TPO: variants seen among roughly 807,000 people sequenced by gnomAD.
TPO encodes thyroid microsomal antigen.
In TPO, 78 loss-of-function variants were observed where a neutral mutation model predicts 96.9. The observed-to-expected ratio is 0.81, with a 90% confidence interval of 0.67 to 0.97. TPO has a LOEUF of 0.97. TPO is among the 50% of genes least tolerant of loss of function. The pLI, the probability that TPO is intolerant of heterozygous loss-of-function variation, is 0.00. For synonymous variants in TPO, 547 were observed against 538.0 expected, an observed-to-expected ratio of 1.02 and a Z score of -0.23; for missense variants, 1,252 against 1,274.8, an observed-to-expected ratio of 0.98 and a Z score of 0.27.
intron 13 of TPO, 128 bp downstream of exon 13, chr2:1,496,893 CTG>C: frequency 7.1e-7 from 1 of 1,413,862 alleles, no homozygotes; most frequent in Non-Finnish European, 9.7e-7. Context: ...CAGGAGCAAT[CTG>C]GGGATAGAAA....
chr2:1,419,261 T>C (rs774087769), intron 2 of TPO, among the ~76,000 whole-genome samples: 2 of 151,958 alleles, frequency 1.3e-5, no homozygotes, highest in Non-Finnish European at 2.9e-5. Flanking sequence ...AGTGTTCAGT[T>C]CTGAAAAAAA....
intron 12 of TPO, 62 bp downstream of exon 12, chr2:1,496,259 T>A (rs540257848): frequency 6.4e-7 from 1 of 1,567,110 alleles, no homozygotes; most frequent in Admixed American, 1.8e-5. Context: ...ACAAAGCTTA[T>A]CTTCCCCAGG....
chr2:1,439,914 C>T (rs978354109), intron 5 of TPO, among the ~76,000 whole-genome samples: 3 of 152,166 alleles, frequency 2.0e-5, no homozygotes, highest in Admixed American at 6.5e-5. Context: ...CCTCCCCGAT[C>T]CTAACTTTTG....
chr2:1,540,413 A>G (rs1433611577), intron 15 of TPO, among the ~76,000 whole-genome samples, 181 bp from the exon 16 acceptor site: 1 of 114,632 alleles, frequency 8.7e-6, no homozygotes, highest in Non-Finnish European at 2.0e-5. Flanking sequence ...GAGCAGTGCT[A>G]ATTTTTTCCA....
intron 2 of TPO, among the ~76,000 whole-genome samples, chr2:1,416,102 A>C (rs999643622): frequency 1.3e-5 from 2 of 152,148 alleles, no homozygotes; most frequent in Non-Finnish European, 2.9e-5. Context: ...TACTCATCGC[A>C]GTCATTATTT....
intron 5 of TPO, among the ~76,000 whole-genome samples, chr2:1,445,699 C>T (rs566429593): frequency 1.5e-5 from 2 of 137,336 alleles, no homozygotes; most frequent in Non-Finnish European, 3.1e-5. Flanking sequence ...AGGGAATGGG[C>T]AGGCTCCTTC....
At chr2:1,427,662 C>T (rs545039253) in intron 3 of TPO, among the ~76,000 whole-genome samples, 2 of 152,200 alleles carry the variant, frequency 1.3e-5, no homozygotes, top group Admixed American at 6.5e-5. Context: ...ACAGAAGAAG[C>T]GTCTGCATGA....
intron 16 of TPO, chr2:1,541,516 C>G (rs1680767652): frequency 6.5e-6 from 1 of 152,966 alleles, no homozygotes; most frequent in Non-Finnish European, 1.5e-5. Flanking sequence ...ACCACCATGC[C>G]TGGCTAATTT....
chr2:1,415,769 G>A (rs797000682), intron 2 of TPO, among the ~76,000 whole-genome samples: 10 of 152,316 alleles, frequency 6.6e-5, no homozygotes, highest in East Asian at 3.9e-4. Context: ...CTTGTCTGTC[G>A]TTCAGGGTCA....
chr2:1,533,239 CCAAATCCCCCACACTAT>C, intron 15 of TPO, among the ~76,000 whole-genome samples: 1 of 84,592 alleles, frequency 1.2e-5, no homozygotes. Context: ...AGCAACCTCC[CCAAATCCCCCACACTAT>C]GTGCAACCTC....
At position 1,509,101 on chromosome 2, in the gene TPO, G is replaced by A. The variant is rs188005497; in HGVS notation, c.2518+5022G>A. 1.2e-4 allele frequency among the ~76,000 whole-genome samples: 18 copies of A among 152,208 alleles called. No individual in the cohort carries two copies. In the East Asian group the frequency reaches 3.1e-3, roughly 26 times the overall value. The stretch of plus-strand genomic sequence containing the variant: ...GTATGTTGTGTCTTTGTTCTCGTTC[G>A]TTTCAAAGAACATCTTTATTTCTGC... On this transcript the variant is annotated intron_variant, in intron 14 of 16. Coordinates refer to ENST00000329066, the MANE Select transcript of TPO (RefSeq NM_001206744.2).
intron 3 of TPO, among the ~76,000 whole-genome samples, chr2:1,427,809 T>C (rs144880333): frequency 5.3e-5 from 8 of 152,260 alleles, no homozygotes; most frequent in Non-Finnish European, 1.2e-4. Flanking sequence ...AGGGACCATT[T>C]CCAATATTCA....
intron 15 of TPO, among the ~76,000 whole-genome samples, chr2:1,526,404 CCCAAATCAACA>C (rs1293037834): frequency 9.4e-5 from 9 of 96,124 alleles, no homozygotes; most frequent in South Asian, 4.7e-4. Flanking sequence ...GAGCAACCCC[CCCAAATCAACA>C]TGCTGTGTGA....
chr2:1,536,804 A>G (rs1357047150), intron 15 of TPO, among the ~76,000 whole-genome samples: 8 of 82,328 alleles, frequency 9.7e-5, no homozygotes, highest in African/African-American at 3.9e-4. Context: ...AATCTGTGCA[A>G]CCTCCCCAAA....
intron 5 of TPO, among the ~76,000 whole-genome samples, chr2:1,449,577 G>T (rs987796464): frequency 6.6e-6 from 1 of 152,172 alleles, no homozygotes; most frequent in Admixed American, 6.5e-5. Flanking sequence ...AAGAGTTTAA[G>T]TTGCACTTGT....
chr2:1,394,550 G>A (rs9678687), intron 1 of TPO, among the ~76,000 whole-genome samples: 16,375 of 152,244 alleles, frequency 0.11, 1,725 homozygotes, highest in African/African-American at 0.28. Context: ...AACACTTGAA[G>A]CATGCATGTC....
At chr2:1,474,895 C>A (rs1007403280) in intron 7 of TPO, among the ~76,000 whole-genome samples, 1 of 152,200 alleles carries the variant, frequency 6.6e-6, no homozygotes, top group Non-Finnish European at 1.5e-5. Flanking sequence ...ATTATTTTAA[C>A]TTCTGCATGC....
intron 1 of TPO, among the ~76,000 whole-genome samples, chr2:1,390,133 T>A (rs112861429): frequency 1.3e-5 from 2 of 150,812 alleles, no homozygotes; most frequent in African/African-American, 5.0e-5. Flanking sequence ...ACTCGTTATT[T>A]ACATTAGGTA....
At chr2:1,493,753 CAA>C in intron 10 of TPO, 47 bp from the exon 11 acceptor site, 1 of 1,609,110 alleles carries the variant, frequency 6.2e-7, no homozygotes, top group Non-Finnish European at 8.5e-7. Context: ...ATGGGCTGAA[CAA>C]AAGTTCAGTT....
Sources: allele counts gnomAD v4.1 joint callset (sites outside exome capture counted in the v4.1 genomes callset), GRCh38; gene constraint gnomAD v4.1.1; transcripts MANE v1.5; gene names NCBI Gene and HGNC (gene_info 2026-07-23, HGNC 2026-07-21).